The following PEX14 variants were observed in gnomAD, a reference collection of about 807,000 sequenced individuals.
PEX14 encodes peroxisomal membrane protein PEX14.
A neutral mutation model predicts 49.5 loss-of-function variants in PEX14; 15 were observed. The ratio of observed to expected loss-of-function variants is 0.30; its 90% CI spans 0.20 to 0.47. The LOEUF (loss-of-function observed/expected upper bound fraction) is 0.47, where lower values mean the gene tolerates loss of function less well. Among genes scored for constraint, PEX14 ranks in the 20% least tolerant of loss-of-function variants. The pLI, the probability that PEX14 is intolerant of heterozygous loss-of-function variation, is 1.00. For missense variants in PEX14, 398 were observed against 494.8 expected, an observed-to-expected ratio of 0.80 and a Z score of 1.86; for synonymous variants, 210 against 212.7, an observed-to-expected ratio of 0.99 and a Z score of 0.11.
At chr1:10,537,341 A>ACCCCACCCCCC (rs1638840944) in intron 3 of PEX14, among the ~76,000 whole-genome samples, 1 of 28,430 alleles carries the variant, frequency 3.5e-5, no homozygotes, top group Non-Finnish European at 6.3e-5. Flanking sequence ...TTGTGCCAGC[A>ACCCCACCCCCC]CCCCCCCCCC....
intron 1 of PEX14, among the ~76,000 whole-genome samples, chr1:10,493,092 AG>A (rs1382904101): frequency 6.6e-6 from 1 of 151,988 alleles, no homozygotes; most frequent in Non-Finnish European, 1.5e-5. Context: ...TGCGTCTGTC[AG>A]GGGGCAGAAG....
intron 1 of PEX14, among the ~76,000 whole-genome samples, chr1:10,490,915 G>A (rs1641459367): frequency 6.6e-6 from 1 of 151,688 alleles, no homozygotes; most frequent in East Asian, 1.9e-4. Flanking sequence ...TGTTGCTCAG[G>A]CTGGTCTCGA....
chr1:10,598,553 T>G (rs1052587056), intron 3 of PEX14, among the ~76,000 whole-genome samples: 8 of 152,154 alleles, frequency 5.3e-5, no homozygotes, highest in African/African-American at 1.9e-4. Flanking sequence ...GTTTAGAGTG[T>G]CGGGAGGATT....
At chr1:10,625,856 G>A (rs776022163) in intron 7 of PEX14, among the ~76,000 whole-genome samples, 1 of 152,194 alleles carries the variant, frequency 6.6e-6, no homozygotes, top group Non-Finnish European at 1.5e-5. Flanking sequence ...AGAGGGGTTG[G>A]GCCCCTCAGA....
intron 1 of PEX14, among the ~76,000 whole-genome samples, chr1:10,488,464 T>C (rs749111174): frequency 5.3e-5 from 8 of 151,814 alleles, no homozygotes; most frequent in Non-Finnish European, 1.0e-4. Flanking sequence ...GCCTGAAATT[T>C]TTATTTTACA....
At chr1:10,572,152 G>A (rs1435576026) in intron 3 of PEX14, among the ~76,000 whole-genome samples, 1 of 152,076 alleles carries the variant, frequency 6.6e-6, no homozygotes, top group Non-Finnish European at 1.5e-5. Context: ...CATGGCAAAA[G>A]TGGTATCTTG....
intron 3 of PEX14, among the ~76,000 whole-genome samples, chr1:10,552,023 G>T (rs1187449705): frequency 1.3e-5 from 2 of 152,104 alleles, no homozygotes; most frequent in African/African-American, 2.4e-5. Context: ...AACCCGGGAG[G>T]TGGAGGTTGC....
At chr1:10,579,540 G>C (rs1470035294) in intron 3 of PEX14, among the ~76,000 whole-genome samples, 2 of 152,082 alleles carry the variant, frequency 1.3e-5, no homozygotes, top group African/African-American at 4.8e-5. Context: ...GTGAAAGCAA[G>C]GTTATTAACA....
At chr1:10,504,082 C>T (rs1641735939) in intron 2 of PEX14, among the ~76,000 whole-genome samples, 2 of 152,174 alleles carry the variant, frequency 1.3e-5, no homozygotes, top group African/African-American at 4.8e-5. Context: ...CATTGTCAAA[C>T]CACGCAGAAT....
chr1:10,506,612 G>A (rs1641788234), intron 2 of PEX14, among the ~76,000 whole-genome samples: 1 of 152,174 alleles, frequency 6.6e-6, no homozygotes, highest in Non-Finnish European at 1.5e-5. Flanking sequence ...TGAAAAGAAA[G>A]TTTTATGAAA....
intron 3 of PEX14, among the ~76,000 whole-genome samples, chr1:10,571,249 G>A (rs2124550231): frequency 6.6e-6 from 1 of 151,584 alleles, no homozygotes; most frequent in African/African-American, 2.4e-5. Flanking sequence ...TTATGTTCCA[G>A]ATATTAACAC....
chr1:10,594,312 A>G (rs284271), intron 3 of PEX14, among the ~76,000 whole-genome samples: 131,720 of 152,000 alleles, frequency 0.87, 57,345 homozygotes, highest in Middle Eastern at 0.94. Flanking sequence ...GCCGGGGCAG[A>G]TAACTTAGTT....
chr1:10,619,416 A>G (rs2124634568), intron 5 of PEX14, among the ~76,000 whole-genome samples: 1 of 150,736 alleles, frequency 6.6e-6, no homozygotes, highest in South Asian at 2.1e-4. Context: ...TCCTGAGTTC[A>G]AGCAATTCTC....
chr1:10,604,121 C>T (rs779111404), intron 4 of PEX14, among the ~76,000 whole-genome samples: 22 of 152,202 alleles, frequency 1.4e-4, no homozygotes, highest in Non-Finnish European at 2.8e-4. Flanking sequence ...TGGTTGCTCC[C>T]GTCTGGTAGG....
At chr1:10,626,672 T>G (rs1304917853) in intron 7 of PEX14, among the ~76,000 whole-genome samples, 5 of 152,238 alleles carry the variant, frequency 3.3e-5, no homozygotes, top group African/African-American at 1.2e-4. Flanking sequence ...TGGGGTGGCC[T>G]TCAGCCTGGG....
chr1:10,570,854 T>G (rs1037945336), intron 3 of PEX14, among the ~76,000 whole-genome samples: 3 of 144,028 alleles, frequency 2.1e-5, no homozygotes, highest in African/African-American at 7.6e-5. Flanking sequence ...CAGGGTTTTT[T>G]TTTTTTTTTT....
chr1:10,628,984 A>G lies in PEX14; in HGVS notation c.678-547A>G, dbSNP rs910885812. Among the ~76,000 whole-genome samples, 1 of 152,234 alleles carries G rather than the reference A, an allele frequency of 6.6e-6. No homozygotes were observed. On this transcript the variant is annotated intron_variant, in intron 8 of 8. Coordinates refer to ENST00000356607, the MANE Select transcript of PEX14 (RefSeq NM_004565.3). This position sits in a 1 kb window ranked among gnomAD's most constrained non-coding sequence, Gnocchi z 4.5. ...CTTCTGCGTTGAAAGTGTTGAGCTCAGAAGTTTTCTAGCAAAGGGCATAAC... is the reference window on the plus strand; with the variant it reads ...CTTCTGCGTTGAAAGTGTTGAGCTCGGAAGTTTTCTAGCAAAGGGCATAAC...
rs1443322760 is a variant in PEX14, at chr1:10,485,310, T to TG, written c.37-9964_37-9963insG. 5.6e-4 allele frequency among the ~76,000 whole-genome samples: 83 copies of TG among 148,956 alleles called. 1 individual carries two copies. The highest frequency in any genetic ancestry group is 5.5e-3 in the Admixed American group (82 of 15,000). On this transcript the variant is annotated intron_variant, in intron 1 of 8. Transcript: ENST00000356607. ...TTTATTTGTGTGTGGTTTTTTTTTT[T>TG]TTTTTTTTTTTTTAAGAGACAGGGT...
intron 4 of PEX14, among the ~76,000 whole-genome samples, chr1:10,612,998 C>G (rs759837996): frequency 2.0e-5 from 3 of 152,248 alleles, no homozygotes; most frequent in Non-Finnish European, 4.4e-5. Context: ...AGTTCTCTCC[C>G]TCTTGTCAGC....
Sources: allele counts gnomAD v4.1 joint callset (sites outside exome capture counted in the v4.1 genomes callset), GRCh38; gene constraint gnomAD v4.1.1; non-coding constraint Gnocchi (gnomAD v3.1); transcripts MANE v1.5; gene names NCBI Gene and HGNC (gene_info 2026-07-23, HGNC 2026-07-21).